Variants in CHRM3 observed in about 807,000 individuals in gnomAD.
CHRM3 encodes the protein cholinergic receptor muscarinic 3.
CHRM3 carries 11 observed loss-of-function variants against 41.8 expected under a neutral mutation model. That is an observed-to-expected ratio of 0.26 (90% CI 0.17 to 0.44). CHRM3 has a LOEUF of 0.44. Among genes scored for constraint, CHRM3 ranks in the 20% least tolerant of loss-of-function variants. The pLI, the probability that CHRM3 is intolerant of heterozygous loss-of-function variation, is 1.00. For missense variants in CHRM3, 571 were observed against 745.4 expected (o/e 0.77, Z 2.72); for synonymous variants, 297 against 301.4 (o/e 0.99, Z 0.15).
chr1:239,695,789 CTGGTT>C (rs1304425913), intron 5 of CHRM3, among the ~76,000 whole-genome samples: 2 of 152,032 alleles, frequency 1.3e-5, no homozygotes, highest in East Asian at 3.9e-4. Flanking sequence ...TGAAATATTG[CTGGTT>C]TGCTATTCTA....
At chr1:239,500,050 G>A (rs987054565) in intron 2 of CHRM3, among the ~76,000 whole-genome samples, 1 of 152,148 alleles carries the variant, frequency 6.6e-6, no homozygotes, top group African/African-American at 2.4e-5. Flanking sequence ...ATAAATGGCT[G>A]TGGGTTTGTC....
At chr1:239,487,766 A>G (rs925573664) in intron 1 of CHRM3, among the ~76,000 whole-genome samples, 4 of 151,906 alleles carry the variant, frequency 2.6e-5, no homozygotes, top group African/African-American at 9.7e-5. Flanking sequence ...CTTCATGTCT[A>G]AGGGAAAAAT....
chr1:239,519,159 C>A (rs927603816), intron 2 of CHRM3, among the ~76,000 whole-genome samples: 2 of 152,050 alleles, frequency 1.3e-5, no homozygotes, highest in Admixed American at 6.5e-5. Context: ...AAATTGACAT[C>A]TGTTTACATA....
chr1:239,554,351 TGGGA>T (rs1660142200), intron 3 of CHRM3, among the ~76,000 whole-genome samples: 2 of 152,232 alleles, frequency 1.3e-5, no homozygotes, highest in Non-Finnish European at 1.5e-5. Flanking sequence ...TAGCAGGCCC[TGGGA>T]CTACAAACTA....
At chr1:239,454,885 G>A (rs553897166) in intron 1 of CHRM3, among the ~76,000 whole-genome samples, 8 of 152,198 alleles carry the variant, frequency 5.3e-5, no homozygotes, top group South Asian at 2.1e-4. Flanking sequence ...CTCACTACCC[G>A]TGCATGTGTA....
At chr1:239,688,157 AG>A (rs1189999710) in intron 5 of CHRM3, among the ~76,000 whole-genome samples, 6 of 150,822 alleles carry the variant, frequency 4.0e-5, no homozygotes, top group African/African-American at 1.5e-4. Flanking sequence ...TATTTGCAGA[AG>A]GAAAAAAATA....
chr1:239,529,639 AC>A, intron 2 of CHRM3, among the ~76,000 whole-genome samples: 3 of 140,740 alleles, frequency 2.1e-5, no homozygotes, highest in South Asian at 2.3e-4. Flanking sequence ...AAACAAACAA[AC>A]AACAACAATA....
chr1:239,838,015 G>A (rs549187680), intron 6 of CHRM3, among the ~76,000 whole-genome samples: 50 of 152,262 alleles, frequency 3.3e-4, no homozygotes, highest in African/African-American at 1.1e-3. Context: ...GAATTTTAAC[G>A]AAGAGAGAGA....
At chr1:239,815,411 A>G (rs1671496696) in intron 5 of CHRM3, among the ~76,000 whole-genome samples, 1 of 152,200 alleles carries the variant, frequency 6.6e-6, no homozygotes, top group Admixed American at 6.5e-5. Flanking sequence ...TTGTAAAATT[A>G]AAAGGCTTGT....
chr1:239,710,289 A>G (rs1464624296), intron 5 of CHRM3, among the ~76,000 whole-genome samples: 1 of 152,156 alleles, frequency 6.6e-6, no homozygotes, highest in Non-Finnish European at 1.5e-5. Context: ...ATGTGTTTGT[A>G]TGTATATAAC....
intron 1 of CHRM3, among the ~76,000 whole-genome samples, chr1:239,394,395 C>G (rs536667849): frequency 6.6e-6 from 1 of 152,140 alleles, no homozygotes; most frequent in Non-Finnish European, 1.5e-5. Flanking sequence ...CTGTATATGC[C>G]TGTCTTATAA....
intron 5 of CHRM3, among the ~76,000 whole-genome samples, chr1:239,710,127 C>G (rs150236623): frequency 1.3e-4 from 20 of 152,060 alleles, no homozygotes; most frequent in Non-Finnish European, 2.2e-4. Flanking sequence ...CATTGTGAAT[C>G]AAACAATTAA....
chr1:239,651,756 G>T lies in CHRM3; in HGVS notation c.-250+19470G>T, dbSNP rs965864775. On this transcript the variant is annotated intron_variant, in intron 4 of 6. Coordinates refer to ENST00000676153, the MANE Select transcript of CHRM3 (RefSeq NM_001375978.1). ...GTAGTAAGGGTTAAAAAGAAAAAGA[G>T]ACAAGTTTTCCTCTGCTTAGCAGCT... Among the ~76,000 whole-genome samples, 11 of 152,212 alleles carry T rather than the reference G, an allele frequency of 7.2e-5. 1 individual carries two copies. In the Middle Eastern group the frequency reaches 0.01, roughly 142 times the overall value.
rs199657301 is a variant in CHRM3 at position 239,874,597 on chromosome 1, GCA to G, written c.-19-32825_-19-32824del. 2.6e-3 allele frequency among the ~76,000 whole-genome samples: 387 copies of G among 151,626 alleles called. 2 individuals carry two copies. The highest frequency in any genetic ancestry group is 8.6e-3 in the African/African-American group (356 of 41,344). ...GTATATGTACATGTATCCATTTAGA[GCA>G]CACACACACATTCAATGGTCTTAGT... On this transcript the variant is annotated intron_variant, in intron 6 of 6. Transcript: ENST00000676153.
At chr1:239,614,008 A>C (rs1323955018) in intron 3 of CHRM3, among the ~76,000 whole-genome samples, 1 of 152,070 alleles carries the variant, frequency 6.6e-6, no homozygotes, top group African/African-American at 2.4e-5. Context: ...AAATAAAATA[A>C]ATAAAACAAT....
intron 6 of CHRM3, among the ~76,000 whole-genome samples, chr1:239,882,450 T>C (rs1352270225): frequency 6.6e-6 from 1 of 152,242 alleles, no homozygotes; most frequent in Non-Finnish European, 1.5e-5. Flanking sequence ...TGTATTTTAA[T>C]GTATTCTGAA....
At position 239,566,885 on chromosome 1, in the gene CHRM3, A is replaced by G. The variant is rs189835503; in HGVS notation, c.-313+21136A>G. On this transcript the variant is annotated intron_variant, in intron 3 of 6. Transcript: ENST00000676153. The stretch of plus-strand genomic sequence containing the variant: ...ATATGATGTGTCTGGGTGCCAGTGT[A>G]TTCAAAATGATAAATTCATAGATTC... 5.3e-5 allele frequency among the ~76,000 whole-genome samples: 8 copies of G among 152,292 alleles called. No individual in the cohort carries two copies. The East Asian group carries it at 1.5e-3, about 29-fold the overall frequency.
At chr1:239,874,524 A>C (rs1010584784) in intron 6 of CHRM3, among the ~76,000 whole-genome samples, 1 of 151,424 alleles carries the variant, frequency 6.6e-6, no homozygotes, top group African/African-American at 2.4e-5. Flanking sequence ...GGATTTTGGT[A>C]TCTGCAGGGG....
At chr1:239,571,623 C>T (rs910637795) in intron 3 of CHRM3, among the ~76,000 whole-genome samples, 1 of 152,152 alleles carries the variant, frequency 6.6e-6, no homozygotes, top group African/African-American at 2.4e-5. Context: ...GTGGCCCTTA[C>T]AGCACTGTGC....
Sources: allele counts gnomAD v4.1 joint callset (sites outside exome capture counted in the v4.1 genomes callset), GRCh38; gene constraint gnomAD v4.1.1; transcripts MANE v1.5; gene names NCBI Gene and HGNC (gene_info 2026-07-23, HGNC 2026-07-21).